Variants in PDLIM1 observed in about 807,000 individuals in gnomAD.
PDLIM1 encodes the protein PDZ and LIM domain protein 1.
A neutral mutation model predicts 35.2 loss-of-function variants in PDLIM1; 25 were observed. The ratio of observed to expected loss-of-function variants is 0.71; its 90% CI spans 0.52 to 0.99. The LOEUF (loss-of-function observed/expected upper bound fraction) is 0.99, where lower values mean the gene tolerates loss of function less well. Among genes scored for constraint, PDLIM1 ranks in the 50% least tolerant of loss-of-function variants. The pLI is 0.00. For missense variants in PDLIM1, 363 were observed against 415.3 expected (o/e 0.87, Z 1.09); for synonymous variants, 152 against 154.0 (o/e 0.99, Z 0.10).
chr10:95,267,079 T>C (rs2133428801), intron 3 of PDLIM1, among the ~76,000 whole-genome samples: 1 of 152,310 alleles, frequency 6.6e-6, no homozygotes, highest in Non-Finnish European at 1.5e-5. Context: ...GGAAAAATGA[T>C]GGGTGAGAAG....
At chr10:95,239,517 C>G (rs909411604) in intron 5 of PDLIM1, among the ~76,000 whole-genome samples, 1 of 152,086 alleles carries the variant, frequency 6.6e-6, no homozygotes, top group African/African-American at 2.4e-5. Flanking sequence ...AAAAATAAGC[C>G]GGGCACAGTA....
chr10:95,243,357 A>G (rs953432536), intron 5 of PDLIM1, among the ~76,000 whole-genome samples: 2 of 152,156 alleles, frequency 1.3e-5, no homozygotes, highest in Non-Finnish European at 2.9e-5. Flanking sequence ...AAAATTTCCA[A>G]ATTTCTCTTC....
intron 5 of PDLIM1, among the ~76,000 whole-genome samples, chr10:95,240,823 T>C (rs2035171908): frequency 6.6e-6 from 1 of 152,174 alleles, no homozygotes; most frequent in Non-Finnish European, 1.5e-5. Context: ...AAGCCCCTAG[T>C]AGCTAGATGC....
intron 5 of PDLIM1, among the ~76,000 whole-genome samples, chr10:95,241,672 C>T (rs868394735): frequency 1.6e-4 from 24 of 152,306 alleles, no homozygotes; most frequent in East Asian, 3.9e-4. Context: ...CTTTAGCCAA[C>T]GTGAGCAGAT....
chr10:95,289,022 T>C (rs1446997209), intron 1 of PDLIM1, among the ~76,000 whole-genome samples: 1 of 152,234 alleles, frequency 6.6e-6, no homozygotes, highest in African/African-American at 2.4e-5. Flanking sequence ...GTGTGGTGTT[T>C]TCCACCCCAT....
chr10:95,254,194 C>T (rs1323684738), intron 4 of PDLIM1, among the ~76,000 whole-genome samples: 1 of 152,074 alleles, frequency 6.6e-6, no homozygotes, highest in Admixed American at 6.6e-5. Context: ...AGGGTAGATA[C>T]AAAACAGTAC....
At chr10:95,259,828 C>G (rs936917084) in intron 4 of PDLIM1, among the ~76,000 whole-genome samples, 11 of 152,184 alleles carry the variant, frequency 7.2e-5, no homozygotes, top group African/African-American at 2.7e-4. Context: ...CCTTACAACA[C>G]AATTTGGAAG....
At chr10:95,286,568 A>T (rs1463714536) in intron 1 of PDLIM1, among the ~76,000 whole-genome samples, 1 of 152,210 alleles carries the variant, frequency 6.6e-6, no homozygotes, top group Non-Finnish European at 1.5e-5. Context: ...ACATTGTACC[A>T]GGCCCTCAAT....
chr10:95,288,421 G>A (rs1434745553), intron 1 of PDLIM1, among the ~76,000 whole-genome samples: 1 of 152,208 alleles, frequency 6.6e-6, no homozygotes, highest in Non-Finnish European at 1.5e-5. Flanking sequence ...GATAAATAAT[G>A]TAGCATACCT....
intron 1 of PDLIM1, among the ~76,000 whole-genome samples, chr10:95,285,571 T>C (rs1403621022): frequency 1.3e-5 from 2 of 152,184 alleles, no homozygotes; most frequent in African/African-American, 4.8e-5. Flanking sequence ...TTGTGGGGAA[T>C]ACAGAAGAAG....
At chr10:95,238,834 G>A (rs2901833) in intron 5 of PDLIM1, 149 bp from the exon 6 acceptor site, 207,808 of 578,916 alleles carry the variant, frequency 0.36, 39,718 homozygotes, top group Middle Eastern at 0.49. Context: ...AAGTAACTTA[G>A]CCTCTCTGGT....
At chr10:95,265,328 C>T (rs2133427469) in intron 3 of PDLIM1, among the ~76,000 whole-genome samples, 1 of 152,284 alleles carries the variant, frequency 6.6e-6, no homozygotes, top group East Asian at 1.9e-4. Context: ...AGCGTGGTGG[C>T]TCACGCCTGT....
intron 5 of PDLIM1, among the ~76,000 whole-genome samples, chr10:95,246,951 T>C (rs2035226698): frequency 6.6e-6 from 1 of 152,104 alleles, no homozygotes; most frequent in South Asian, 2.1e-4. Context: ...ACCCCAACCT[T>C]AGCATCCTCT....
chr10:95,239,957 G>A (rs530458881), intron 5 of PDLIM1, among the ~76,000 whole-genome samples: 1 of 152,188 alleles, frequency 6.6e-6, no homozygotes, highest in Non-Finnish European at 1.5e-5. Flanking sequence ...ACTCACGCCA[G>A]TCTGAATGGC....
intron 2 of PDLIM1, among the ~76,000 whole-genome samples, chr10:95,269,138 T>C (rs1305610337): frequency 2.0e-5 from 3 of 152,216 alleles, no homozygotes; most frequent in African/African-American, 7.2e-5. Context: ...CAGTGTGGTC[T>C]CCTCCATGTT....
At chr10:95,246,544 C>T (rs979140820) in intron 5 of PDLIM1, among the ~76,000 whole-genome samples, 2 of 152,074 alleles carry the variant, frequency 1.3e-5, no homozygotes, top group Admixed American at 6.5e-5. Flanking sequence ...AACTATGAAG[C>T]GAGTACTCAG....
chr10:95,285,023 G>A (rs942642877), intron 1 of PDLIM1, among the ~76,000 whole-genome samples: 1 of 152,154 alleles, frequency 6.6e-6, no homozygotes, highest in African/African-American at 2.4e-5. Flanking sequence ...CTTGGCTACC[G>A]CAAGGTGGAA....
chr10:95,269,571 C>CA (rs11443591), intron 2 of PDLIM1, among the ~76,000 whole-genome samples: 93,287 of 130,168 alleles, frequency 0.72, 33,432 homozygotes, highest in Non-Finnish European at 0.81. Flanking sequence ...GACTCCATCC[C>CA]AAAAAAAAAA....
At chr10:95,288,859 C>A (rs1285549859) in intron 1 of PDLIM1, among the ~76,000 whole-genome samples, 1 of 152,234 alleles carries the variant, frequency 6.6e-6, no homozygotes, top group Non-Finnish European at 1.5e-5. Context: ...ACCATGAACA[C>A]CTTGAGAATG....
Sources: gnomAD v4.1 joint callset for allele counts (sites outside exome capture counted in the v4.1 genomes callset) on GRCh38, gnomAD v4.1.1 for gene constraint, MANE v1.5 for transcripts, NCBI Gene and HGNC (gene_info 2026-07-23, HGNC 2026-07-21) for gene names.